The following ATP2B2 variants were observed in gnomAD, a reference collection of about 807,000 sequenced individuals.
ATP2B2 encodes ATPase plasma membrane Ca2+ transporting 2.
A neutral mutation model predicts 120.0 loss-of-function variants in ATP2B2; 15 were observed. The observed-to-expected ratio is 0.12, with a 90% confidence interval of 0.08 to 0.19. The LOEUF is 0.19. ATP2B2 is among the 10% of genes least tolerant of loss of function. ATP2B2 has a pLI of 1.00. For missense variants in ATP2B2, 1,045 were observed against 1,719.8 expected (o/e 0.61, Z 6.94); for synonymous variants, 694 against 700.3 (o/e 0.99, Z 0.14).
At chr3:10,699,349 T>A (rs2071784283) in intron 1 of ATP2B2, among the ~76,000 whole-genome samples, 1 of 152,186 alleles carries the variant, frequency 6.6e-6, no homozygotes, top group Admixed American at 6.5e-5. Context: ...ATTAAGTAAA[T>A]CATGGCAAAG....
chr3:10,345,474 G>C lies in ATP2B2; in HGVS notation c.2613C>G (p.Val871=). ...GCAAGAATTTGGAGATGCTGTCATA[G>C]ACGTTGCGGCCCCACATCACTGCCT... ...IVKAVMWGRN[V]YDSISKFLQF... is the part of the protein sequence containing the mutation. Residue 871 remains valine (V), a synonymous_variant, in exon 18 of 23, where the codon GTC becomes GTG. Transcript: ENST00000360273. 6.2e-7 allele frequency: 1 copy of C among 1,614,210 alleles called. No individual in the cohort carries two copies. The highest frequency in any genetic ancestry group is 8.5e-7 in the Non-Finnish European group (1 of 1,180,026).
chr3:10,702,925 T>C (rs1034157672), intron 1 of ATP2B2, among the ~76,000 whole-genome samples: 1 of 152,142 alleles, frequency 6.6e-6, no homozygotes, highest in East Asian at 1.9e-4. Flanking sequence ...CATCATTCCT[T>C]TTCTCTGTAA....
At chr3:10,587,240 G>C (rs1328713703) in intron 2 of ATP2B2, among the ~76,000 whole-genome samples, 1 of 152,128 alleles carries the variant, frequency 6.6e-6, no homozygotes, top group Non-Finnish European at 1.5e-5. Context: ...AGGAGGTCCA[G>C]AGTGCAGTGA....
Position 10,569,243 on chromosome 3 carries a change from C to T in ATP2B2, c.-414-35110G>A, listed in dbSNP as rs2068073288. ...ATCGCTCCTCTTTATTGAGCACCTA[C>T]TGTATTCAAGACACTATCCTGGCTA... On this transcript the variant is annotated intron_variant, in intron 2 of 21. Coordinates refer to the ATP2B2 transcript ENST00000646379. 2.6e-5 allele frequency among the ~76,000 whole-genome samples: 4 copies of T among 152,236 alleles called. No homozygotes were observed. In the South Asian group the frequency reaches 8.3e-4, roughly 31 times the overall value.
intron 22 of ATP2B2, among the ~76,000 whole-genome samples, chr3:10,334,813 C>CA (rs2060073729): frequency 6.3e-3 from 1 of 158 alleles, no homozygotes. Context: ...TGCTTGGCTG[C>CA]AGGGGTTGTG....
intron 12 of ATP2B2, among the ~76,000 whole-genome samples, chr3:10,363,305 G>C (rs180835093): frequency 1.3e-5 from 2 of 152,000 alleles, no homozygotes; most frequent in South Asian, 2.1e-4. Flanking sequence ...AAATTTCCAC[G>C]AGCCTTTTTA....
chr3:10,509,609 C>T (rs1208655218), upstream of ATP2B2, among the ~76,000 whole-genome samples: 3 of 152,228 alleles, frequency 2.0e-5, no homozygotes, highest in East Asian at 1.9e-4. Context: ...CCTCTCTCTG[C>T]GCCTGCCTAA....
At chr3:10,543,482 AAT>A (rs571274288) in intron 2 of ATP2B2, among the ~76,000 whole-genome samples, 249 of 152,328 alleles carry the variant, frequency 1.6e-3, no homozygotes, top group African/African-American at 5.7e-3. Flanking sequence ...TGCAGATGTG[AAT>A]AGGAATCCAA....
At chr3:10,491,220 T>C (rs1808345) in intron 1 of ATP2B2, among the ~76,000 whole-genome samples, 9,271 of 146,732 alleles carry the variant, frequency 0.063, 654 homozygotes, top group African/African-American at 0.18. Flanking sequence ...GGCTCCTTCA[T>C]TCCATTTTTT....
Position 10,328,141 on chromosome 3 carries a change from C to A in ATP2B2, c.*673G>T, listed in dbSNP as rs913978471. The A allele has an allele frequency of 7.4e-5, 11 of 147,688 alleles. No homozygotes were observed. Among genetic ancestry groups the A allele is most frequent in the Non-Finnish European group, 1.3e-4 (9 of 66,698 alleles). 9.1% of individuals were successfully genotyped at this position (147,688 alleles called of 1,614,324 possible). On this transcript the variant is annotated 3_prime_UTR_variant, in exon 23 of 23. Transcript: ENST00000360273. ...TATATTTATATATATATATATATAT[C>A]TACCTATCTATATGGACGTATACAG... is the stretch of plus-strand genomic sequence containing the variant.
At chr3:10,599,589 A>C (rs7629204) in intron 2 of ATP2B2, among the ~76,000 whole-genome samples, 1 of 152,186 alleles carries the variant, frequency 6.6e-6, no homozygotes, top group South Asian at 2.1e-4. Flanking sequence ...ACAGGGGCTC[A>C]GGGAACCTCT....
chr3:10,510,557 C>T (rs115911592), upstream of ATP2B2, among the ~76,000 whole-genome samples: 726 of 152,356 alleles, frequency 4.8e-3, 2 homozygotes, highest in Non-Finnish European at 7.2e-3. Context: ...AAAACCTTAG[C>T]CCCGTGAGGG....
chr3:10,413,350 G>A (rs988993729), intron 2 of ATP2B2, among the ~76,000 whole-genome samples: 7 of 152,250 alleles, frequency 4.6e-5, no homozygotes, highest in Non-Finnish European at 8.8e-5. Flanking sequence ...CCCACTGGGG[G>A]AGCCCAGGGA....
chr3:10,653,708 A>G (rs2070529153), intron 1 of ATP2B2, among the ~76,000 whole-genome samples: 2 of 152,172 alleles, frequency 1.3e-5, no homozygotes, highest in Admixed American at 6.5e-5. Context: ...CTATCTCCAT[A>G]AGGCATGTGC....
intron 2 of ATP2B2, among the ~76,000 whole-genome samples, chr3:10,575,947 A>G (rs569198782): frequency 6.6e-6 from 1 of 152,336 alleles, no homozygotes; most frequent in African/African-American, 2.4e-5. Context: ...GGAAACCTTA[A>G]AATTGTCCCT....
intron 3 of ATP2B2, among the ~76,000 whole-genome samples, chr3:10,520,771 CT>C (rs79911432): frequency 7.9e-6 from 1 of 126,548 alleles, no homozygotes; most frequent in Non-Finnish European, 1.6e-5. Context: ...TTTTTTTTTT[CT>C]TTTTTTTCTT....
intron 12 of ATP2B2, among the ~76,000 whole-genome samples, chr3:10,364,742 A>C (rs892032764): frequency 2.0e-5 from 3 of 152,072 alleles, no homozygotes; most frequent in Admixed American, 1.3e-4. Context: ...TAAAAATAAA[A>C]AAATAAAAAA....
At chr3:10,452,313 C>G (rs913140966) in intron 1 of ATP2B2, among the ~76,000 whole-genome samples, 1 of 152,194 alleles carries the variant, frequency 6.6e-6, no homozygotes, top group Non-Finnish European at 1.5e-5. Flanking sequence ...GCCGAATGCT[C>G]TCCTCCCCCT....
At chr3:10,440,878 G>T (rs2063641023) in intron 2 of ATP2B2, among the ~76,000 whole-genome samples, 3 of 152,226 alleles carry the variant, frequency 2.0e-5, no homozygotes, top group African/African-American at 7.2e-5. Flanking sequence ...TCTGTAAGCT[G>T]GGATGATGAC....
Sources: allele counts gnomAD v4.1 joint callset (sites outside exome capture counted in the v4.1 genomes callset), GRCh38; gene constraint gnomAD v4.1.1; transcripts MANE v1.5; gene names NCBI Gene and HGNC (gene_info 2026-07-23, HGNC 2026-07-21).